PTPRJ: variants seen among roughly 807,000 people sequenced by gnomAD.
PTPRJ encodes the protein protein tyrosine phosphatase receptor type J.
Under a neutral mutation model 141.3 loss-of-function variants are expected in PTPRJ, and 129 were observed. The ratio of observed to expected loss-of-function variants is 0.91; its 90% CI spans 0.79 to 1.06. The LOEUF (loss-of-function observed/expected upper bound fraction) is 1.06. PTPRJ is among the 50% of genes least tolerant of loss of function. The pLI is 0.00. For synonymous variants in PTPRJ, 610 were observed against 640.5 expected (o/e 0.95, Z 0.72); for missense variants, 1,601 against 1,679.7 (o/e 0.95, Z 0.82).
rs1327410346 is a variant in PTPRJ at position 47,980,634 on chromosome 11, G to A, written c.-279G>A. 9.1e-6 allele frequency: 9 copies of A among 984,042 alleles called. No individual in the cohort carries two copies. The highest frequency in any genetic ancestry group is 1.1e-5 in the Non-Finnish European group (9 of 830,106). The allele number at this position is 984,042 out of a possible 1,614,324, so 61.0% of individuals were successfully genotyped here. A position where few individuals can be genotyped will look rare whatever the true frequency, so the allele number is the denominator to read the frequency against. ...CCGGGACCGGGTAGCCGCGCGCTGG[G>A]GGTGGGCGCCGCTCGCTCCGCCCCG... On this transcript the variant is annotated 5_prime_UTR_variant, in exon 1 of 25. Coordinates refer to ENST00000418331, the MANE Select transcript of PTPRJ (RefSeq NM_002843.4).
At chr11:48,121,391 G>C in intron 4 of PTPRJ, 125 bp downstream of exon 4, 1 of 1,070,440 alleles carries the variant, frequency 9.3e-7, no homozygotes, top group Non-Finnish European at 1.3e-6. Context: ...GAGGAGAAAA[G>C]GTGCTATGTT....
In PTPRJ at chr11:48,139,488, C is replaced by A; in HGVS notation, c.2155C>A (p.Pro719Thr). 1 of 1,613,280 alleles carries A rather than the reference C, an allele frequency of 6.2e-7. No individual in the cohort carries two copies. Among genetic ancestry groups the A allele is most frequent in the Non-Finnish European group, 8.5e-7 (1 of 1,179,208 alleles). ...EPGRKSFCTD[P>T]ASMASFDCEV... is the part of the protein sequence containing the mutation. Reference sequence around the variant, plus strand: ...GCTGTGCTGTACTTGCTTTGCAGATCCTGCGTCCATGGCCTCCTTCGACTG... The same window carrying A: ...GCTGTGCTGTACTTGCTTTGCAGATACTGCGTCCATGGCCTCCTTCGACTG... Residue 719 changes from proline to threonine, a missense_variant and splice_region_variant, in exon 11 of 25, where the codon CCT (proline) becomes ACT (threonine). Transcript: ENST00000418331.
At chr11:48,021,463 C>T (rs1162124296) in intron 1 of PTPRJ, among the ~76,000 whole-genome samples, 1 of 151,484 alleles carries the variant, frequency 6.6e-6, no homozygotes, top group African/African-American at 2.4e-5. Context: ...AAGGTTTATA[C>T]GCAGGCCATT....
intron 7 of PTPRJ, among the ~76,000 whole-genome samples, chr11:48,130,079 G>C: frequency 6.6e-6 from 1 of 151,224 alleles, no homozygotes; most frequent in Non-Finnish European, 1.5e-5. Flanking sequence ...GGTCAAGACT[G>C]GTCTCTCTCT....
chr11:48,124,553 GCAGCTGCCCCACCAGC>G (rs1047885543), intron 5 of PTPRJ, among the ~76,000 whole-genome samples: 2 of 152,166 alleles, frequency 1.3e-5, no homozygotes, highest in Non-Finnish European at 2.9e-5. Flanking sequence ...TTCACACCCT[GCAGCTGCCCCACCAGC>G]CAGCTGCCCC....
chr11:48,024,620 G>A (rs1296902773), intron 1 of PTPRJ, among the ~76,000 whole-genome samples: 2 of 152,240 alleles, frequency 1.3e-5, no homozygotes, highest in African/African-American at 4.8e-5. Context: ...CGTTGCTAAT[G>A]GGAATGAGTG....
intron 6 of PTPRJ, among the ~76,000 whole-genome samples, chr11:48,126,884 G>C (rs530151729): frequency 2.6e-5 from 4 of 152,078 alleles, no homozygotes; most frequent in Admixed American, 2.6e-4. Flanking sequence ...AGTTAGGTGG[G>C]GCAGGGTTAA....
At chr11:48,151,768 G>C (rs924563128) in intron 18 of PTPRJ, among the ~76,000 whole-genome samples, 2 of 152,040 alleles carry the variant, frequency 1.3e-5, no homozygotes, top group Admixed American at 1.3e-4. Context: ...CCCTACAAAG[G>C]ACCTGAACTC....
At chr11:48,117,978 A>G (rs976990480) in intron 3 of PTPRJ, among the ~76,000 whole-genome samples, 2 of 152,256 alleles carry the variant, frequency 1.3e-5, no homozygotes, top group African/African-American at 4.8e-5. Flanking sequence ...ATTCCTTGCC[A>G]TATACCATTT....
intron 1 of PTPRJ, among the ~76,000 whole-genome samples, chr11:47,991,431 GAAAGTTT>G (rs1316200737): frequency 6.6e-6 from 1 of 152,196 alleles, no homozygotes; most frequent in African/African-American, 2.4e-5. Flanking sequence ...CCACCAATGG[GAAAGTTT>G]AAAGACATAA....
At chr11:48,043,665 C>G (rs766451551) in intron 1 of PTPRJ, among the ~76,000 whole-genome samples, 1 of 152,130 alleles carries the variant, frequency 6.6e-6, no homozygotes, top group Admixed American at 6.5e-5. Context: ...GAGTCTCCCC[C>G]ACCCCCAAAG....
chr11:48,000,982 A>ATTTTTTTTTTTTTTTTTTT, intron 1 of PTPRJ, among the ~76,000 whole-genome samples: 1 of 122,882 alleles, frequency 8.1e-6, no homozygotes, highest in Non-Finnish European at 1.7e-5. Context: ...GTCCCATATA[A>ATTTTTTTTTTTTTTTTTTT]TTTTTTTTTT....
At chr11:47,985,527 A>G (rs1854026900) in intron 1 of PTPRJ, among the ~76,000 whole-genome samples, 1 of 152,208 alleles carries the variant, frequency 6.6e-6, no homozygotes, top group Admixed American at 6.5e-5. Context: ...AAATAAAAAA[A>G]AAGAAAAATA....
intron 1 of PTPRJ, among the ~76,000 whole-genome samples, chr11:48,011,881 C>T (rs539065703): frequency 7.9e-5 from 12 of 152,110 alleles, no homozygotes; most frequent in African/African-American, 2.2e-4. Flanking sequence ...CCAGGCTGAT[C>T]GTGAACTCCT....
intron 1 of PTPRJ, among the ~76,000 whole-genome samples, chr11:48,018,637 T>C (rs1855016132): frequency 6.6e-6 from 1 of 152,182 alleles, no homozygotes; most frequent in Non-Finnish European, 1.5e-5. Context: ...GCAGTTTCAG[T>C]GAGAACCAGA....
chr11:48,136,167 A>C lies in PTPRJ; in HGVS notation c.1744A>C (p.Asn582His). The change falls in exon 9 of 25, where the codon AAC becomes CAC. Residue 582 changes from asparagine to histidine, a missense_variant. Coordinates refer to ENST00000418331, the MANE Select transcript of PTPRJ (RefSeq NM_002843.4). The stretch of plus-strand genomic sequence containing the variant: ...AGTCATAGAGTCCAAGCATGGCTCT[A>C]ACCACACAAGCACGTATGACAAAGC... ...HLVIESKHGS[N>H]HTSTYDKAIT... The C allele has an allele frequency of 6.2e-7, 1 of 1,614,214 alleles. No homozygotes were observed. Among genetic ancestry groups the C allele is most frequent in the Non-Finnish European group, 8.5e-7 (1 of 1,180,034 alleles).
At chr11:48,030,763 A>G (rs1853958470) in intron 1 of PTPRJ, among the ~76,000 whole-genome samples, 1 of 152,120 alleles carries the variant, frequency 6.6e-6, no homozygotes. Flanking sequence ...AAATAAATAA[A>G]TAAAATAATA....
chr11:48,113,435 A>G (rs1423920036), intron 3 of PTPRJ, among the ~76,000 whole-genome samples: 1 of 152,224 alleles, frequency 6.6e-6, no homozygotes, highest in Non-Finnish European at 1.5e-5. Context: ...CTTGGGCCAA[A>G]TATAGATCAC....
At chr11:48,014,864 G>C (rs573939015) in intron 1 of PTPRJ, among the ~76,000 whole-genome samples, 14 of 152,036 alleles carry the variant, frequency 9.2e-5, no homozygotes, top group Non-Finnish European at 2.1e-4. Flanking sequence ...CACCATGCCC[G>C]GCTAATTTTT....
Sources: allele counts gnomAD v4.1 joint callset (sites outside exome capture counted in the v4.1 genomes callset), GRCh38; gene constraint gnomAD v4.1.1; transcripts MANE v1.5; gene names NCBI Gene and HGNC (gene_info 2026-07-23, HGNC 2026-07-21).